The following RPS6KC1 variants were observed in gnomAD, a reference collection of about 807,000 sequenced individuals.
RPS6KC1 encodes the protein ribosomal protein S6 kinase C1.
RPS6KC1 carries 54 observed loss-of-function variants against 103.8 expected under a neutral mutation model. The observed-to-expected ratio is 0.52, with a 90% CI of 0.42 to 0.65. The LOEUF (loss-of-function observed/expected upper bound fraction) is 0.65, where lower values mean the gene tolerates loss of function less well. Among genes scored for constraint, RPS6KC1 ranks in the 30% least tolerant of loss-of-function variants. The pLI, the probability that RPS6KC1 is intolerant of heterozygous loss-of-function variation, is 0.00. For missense variants in RPS6KC1, 1,151 were observed against 1,253.8 expected, an observed-to-expected ratio of 0.92 and a Z score of 1.24; for synonymous variants, 439 against 438.7, an observed-to-expected ratio of 1.00 and a Z score of -0.01.
chr1:213,346,540 G>C, the RPS6KC1 span, among the ~76,000 whole-genome samples: 1 of 152,146 alleles, frequency 6.6e-6, no homozygotes, highest in Non-Finnish European at 1.5e-5. Flanking sequence ...AAGTAGAATT[G>C]AAAGTGGTTA....
At chr1:213,800,110 C>T in the RPS6KC1 span, among the ~76,000 whole-genome samples, 2 of 152,038 alleles carry the variant, frequency 1.3e-5, no homozygotes, top group African/African-American at 2.4e-5. Context: ...GCCCCAAATC[C>T]GAATACCGTC....
chr1:213,616,695 A>G, the RPS6KC1 span, among the ~76,000 whole-genome samples: 1 of 152,198 alleles, frequency 6.6e-6, no homozygotes, highest in African/African-American at 2.4e-5. Flanking sequence ...ATAGTGGCAT[A>G]TATGGCACAC....
chr1:213,412,198 C>T, the RPS6KC1 span, among the ~76,000 whole-genome samples: 3 of 152,208 alleles, frequency 2.0e-5, no homozygotes, highest in African/African-American at 7.2e-5. Context: ...CATGGTGTGG[C>T]ATTCCTATCT....
chr1:213,195,840 GTGTGTGTA>G (rs1348698231), intron 8 of RPS6KC1, among the ~76,000 whole-genome samples: 3 of 150,878 alleles, frequency 2.0e-5, no homozygotes, highest in East Asian at 3.8e-4. Context: ...GTGTGTGTGT[GTGTGTGTA>G]TATATATACC....
chr1:213,261,526 A>G (rs1558653134), intron 12 of RPS6KC1, 32 bp from the exon 13 acceptor site: 1 of 1,597,204 alleles, frequency 6.3e-7, no homozygotes, highest in Non-Finnish European at 8.6e-7. Context: ...GACCTTTGGA[A>G]TTTTAATATC....
intron 6 of RPS6KC1, among the ~76,000 whole-genome samples, chr1:213,142,687 G>T (rs943949748): frequency 1.3e-5 from 2 of 152,032 alleles, no homozygotes; most frequent in African/African-American, 2.4e-5. Context: ...CCACTACCCT[G>T]ATCAGTCGGC....
At chr1:213,782,523 T>C in the RPS6KC1 span, among the ~76,000 whole-genome samples, 2 of 151,682 alleles carry the variant, frequency 1.3e-5, no homozygotes, top group Non-Finnish European at 2.9e-5. Flanking sequence ...TCGGGACACA[T>C]AGTGTCCACG....
At chr1:213,444,475 C>A in the RPS6KC1 span, among the ~76,000 whole-genome samples, 4 of 152,174 alleles carry the variant, frequency 2.6e-5, no homozygotes, top group African/African-American at 7.2e-5. Flanking sequence ...CATTTCAGAA[C>A]TGCATATGCC....
At chr1:213,079,736 A>G (rs1483485882) in intron 3 of RPS6KC1, among the ~76,000 whole-genome samples, 1 of 151,950 alleles carries the variant, frequency 6.6e-6, no homozygotes, top group African/African-American at 2.4e-5. Context: ...TTAAAGAGGC[A>G]TGTGGCTAAG....
At chr1:213,746,692 A>G in the RPS6KC1 span, among the ~76,000 whole-genome samples, 4 of 152,142 alleles carry the variant, frequency 2.6e-5, no homozygotes, top group South Asian at 8.3e-4. Context: ...GCAGGAGGAG[A>G]GAGAAGATGG....
chr1:213,117,309 C>A lies in RPS6KC1; in HGVS notation c.379-8C>A. On this transcript the variant is annotated splice_region_variant and splice_polypyrimidine_tract_variant and intron_variant, in intron 4 of 14. Coordinates refer to ENST00000366960, the MANE Select transcript of RPS6KC1 (RefSeq NM_012424.6). ...GCTAATGAAACACAATTGCTCTTAT[C>A]TCTTTAGGGTGGAATAATTAATGAT... The A allele has an allele frequency of 6.5e-7, 1 of 1,537,624 alleles. No homozygotes were observed. Among genetic ancestry groups the A allele is most frequent in the Non-Finnish European group, 8.9e-7 (1 of 1,121,192 alleles).
the RPS6KC1 span, among the ~76,000 whole-genome samples, chr1:213,824,911 G>A: frequency 6.6e-6 from 1 of 152,178 alleles, no homozygotes; most frequent in Non-Finnish European, 1.5e-5. Flanking sequence ...CTGGCAGTGG[G>A]ACCAACGGGC....
the RPS6KC1 span, among the ~76,000 whole-genome samples, chr1:213,752,770 A>T: frequency 6.6e-6 from 1 of 152,340 alleles, no homozygotes; most frequent in Non-Finnish European, 1.5e-5. Flanking sequence ...GGGACTATTG[A>T]AAATGGATTG....
chr1:213,449,560 C>G, the RPS6KC1 span, among the ~76,000 whole-genome samples: 5 of 152,192 alleles, frequency 3.3e-5, no homozygotes, highest in Admixed American at 3.3e-4. Flanking sequence ...TGCCCTCATT[C>G]AACCTTAATT....
chr1:213,318,771 G>A, the RPS6KC1 span, among the ~76,000 whole-genome samples: 1 of 152,214 alleles, frequency 6.6e-6, no homozygotes, highest in African/African-American at 2.4e-5. Context: ...AGAACAGCAG[G>A]GGAAAGACCT....
the RPS6KC1 span, among the ~76,000 whole-genome samples, chr1:213,472,408 G>C: frequency 1.3e-5 from 2 of 152,140 alleles, no homozygotes; most frequent in Non-Finnish European, 2.9e-5. Context: ...TTCCCAGCTT[G>C]ACATTACATT....
rs1558462372 is a variant in RPS6KC1 at position 213,167,474 on chromosome 1, AC to A, written c.836-383del. On this transcript the variant is annotated intron_variant, in intron 6 of 14. Transcript: ENST00000366960. Reference sequence around the variant, plus strand: ...CACACACACACACACACACACACACACACACACACACACACAACAGCTGTTG... The same window carrying A: ...CACACACACACACACACACACACACAACACACACACACACAACAGCTGTTG... Among the ~76,000 whole-genome samples the A allele has an allele frequency of 6.5e-3, 944 of 146,224 alleles. 19 individuals are homozygous for A. Among genetic ancestry groups the A allele is most frequent in the African/African-American group, 0.02 (787 of 40,182 alleles).
the RPS6KC1 span, among the ~76,000 whole-genome samples, chr1:213,635,287 C>T: frequency 2.6e-5 from 4 of 152,168 alleles, no homozygotes; most frequent in South Asian, 4.1e-4. Context: ...CCAGCATTAT[C>T]CTGTCACCAA....
chr1:213,521,082 G>GT, the RPS6KC1 span, among the ~76,000 whole-genome samples: 1,708 of 152,104 alleles, frequency 0.011, 23 homozygotes, highest in African/African-American at 0.035. Context: ...CTACAATTTA[G>GT]TTTTTTTAAC....
Sources: allele counts gnomAD v4.1 joint callset (sites outside exome capture counted in the v4.1 genomes callset), GRCh38; gene constraint gnomAD v4.1.1; transcripts MANE v1.5; gene names NCBI Gene and HGNC (gene_info 2026-07-23, HGNC 2026-07-21).